Variants in SLIT1 observed in about 807,000 individuals in gnomAD.
SLIT1 encodes slit homolog 1 protein.
Under a neutral mutation model 186.1 loss-of-function variants are expected in SLIT1, and 66 were observed. That is an observed-to-expected ratio of 0.35 (90% CI 0.29 to 0.44). The LOEUF (loss-of-function observed/expected upper bound fraction) is 0.44. SLIT1 is among the 20% of genes least tolerant of loss of function. The pLI is 1.00. For synonymous variants in SLIT1, 761 were observed against 833.8 expected (o/e 0.91, Z 1.50); for missense variants, 1,638 against 2,037.4 (o/e 0.80, Z 3.77).
At position 97,004,931 on chromosome 10, in the gene SLIT1, C is replaced by A. The variant is rs190621820; in HGVS notation, c.3580-108G>T. On this transcript the variant is annotated intron_variant, in intron 32 of 36. Transcript: ENST00000266058. This position sits in a 1 kb window ranked among gnomAD's most constrained non-coding sequence, Gnocchi z 5.1. Reference sequence around the variant, plus strand: ...AAGATTGGAAGAGAGATGCTCTGTGCAGAGCGCTCTTCCCCCACCTGGCCA... The same window carrying A: ...AAGATTGGAAGAGAGATGCTCTGTGAAGAGCGCTCTTCCCCCACCTGGCCA... 6.2e-4 allele frequency: 836 copies of A among 1,352,754 alleles called. 1 individual carries two copies. Among genetic ancestry groups the A allele is most frequent in the Non-Finnish European group, 8.0e-4 (769 of 966,680 alleles). The allele number at this position is 1,352,754 out of a possible 1,614,324, so 83.8% of individuals were successfully genotyped here. A position where few individuals can be genotyped will look rare whatever the true frequency, so the allele number is the denominator to read the frequency against.
At chr10:97,018,134 AC>A (rs1848470269) in intron 28 of SLIT1, among the ~76,000 whole-genome samples, 1 of 152,118 alleles carries the variant, frequency 6.6e-6, no homozygotes, top group Non-Finnish European at 1.5e-5. Flanking sequence ...GGAGTGAGCC[AC>A]CGAGCACGGC....
intron 25 of SLIT1, among the ~76,000 whole-genome samples, chr10:97,028,780 T>G (rs1269890103): frequency 6.6e-6 from 1 of 152,224 alleles, no homozygotes; most frequent in Admixed American, 6.5e-5. Flanking sequence ...CAGGATGTAT[T>G]TATTAAGGCA....
At chr10:97,037,219 C>T (rs1415957465) in intron 22 of SLIT1, among the ~76,000 whole-genome samples, 2 of 151,962 alleles carry the variant, frequency 1.3e-5, no homozygotes, top group Non-Finnish European at 2.9e-5. Context: ...CTCAGCCTCC[C>T]GAGTAGCTGG....
At chr10:97,130,907 C>T (rs1279958941) in intron 4 of SLIT1, among the ~76,000 whole-genome samples, 1 of 152,138 alleles carries the variant, frequency 6.6e-6, no homozygotes, top group African/African-American at 2.4e-5. Flanking sequence ...TTCTTCTTCC[C>T]TAGATTTTCT....
chr10:97,026,460 G>A (rs1325166270), intron 25 of SLIT1, among the ~76,000 whole-genome samples: 7 of 134,312 alleles, frequency 5.2e-5, no homozygotes, highest in East Asian at 4.6e-4. Context: ...GCGAAACTCC[G>A]TCTCTAAATA....
intron 1 of SLIT1, among the ~76,000 whole-genome samples, chr10:97,175,907 A>G (rs1224333576): frequency 1.3e-5 from 2 of 152,164 alleles, no homozygotes; most frequent in East Asian, 1.9e-4. Flanking sequence ...AGCCTGCAAC[A>G]TGGGTGCACC....
chr10:97,176,065 T>C (rs189041310), intron 1 of SLIT1, among the ~76,000 whole-genome samples: 102 of 152,284 alleles, frequency 6.7e-4, no homozygotes, highest in African/African-American at 2.4e-3. Context: ...ATTAAGACTA[T>C]AGAGCAGAAG....
intron 4 of SLIT1, among the ~76,000 whole-genome samples, chr10:97,097,934 C>G (rs191461916): frequency 5.4e-4 from 83 of 152,322 alleles, no homozygotes; most frequent in African/African-American, 1.9e-3. Context: ...CACTTCCACA[C>G]GTACATTTGC....
Position 97,023,472 on chromosome 10 carries a change from A to T in SLIT1, c.2583-2059T>A, listed in dbSNP as rs143301945. The stretch of plus-strand genomic sequence containing the variant: ...GCTAATAGCCCGCCCCCAACTGCAA[A>T]GGTTGTATCCACTTACACTGGCCAT... On this transcript the variant is annotated intron_variant, in intron 25 of 36. Transcript: ENST00000266058. Among the ~76,000 whole-genome samples, 40 of 152,188 alleles carry T rather than the reference A, an allele frequency of 2.6e-4. 1 individual carries two copies. In the East Asian group the frequency reaches 5.6e-3, roughly 21 times the overall value.
chr10:97,045,632 T>C (rs1379795406), intron 18 of SLIT1, among the ~76,000 whole-genome samples: 1 of 152,100 alleles, frequency 6.6e-6, no homozygotes, highest in Non-Finnish European at 1.5e-5. Context: ...ATTTAAGGAA[T>C]ACTAGGTAAG....
rs75574580 is a variant in SLIT1 at position 97,005,779 on chromosome 10, A to G, written c.3579+704T>C. On this transcript the variant is annotated intron_variant, in intron 32 of 36. Transcript: ENST00000266058. The stretch of plus-strand genomic sequence containing the variant: ...CGTAGGGGAAGAGAGCAGAATGCGC[A>G]TGTTTGAGAGGCTGAAGAGTTCTGA... 3.0e-3 allele frequency among the ~76,000 whole-genome samples: 458 copies of G among 152,302 alleles called. 3 individuals carry two copies. The highest frequency in any genetic ancestry group is 5.2e-3 in the Non-Finnish European group (354 of 68,024).
intron 4 of SLIT1, among the ~76,000 whole-genome samples, chr10:97,119,420 A>T (rs1482861135): frequency 6.6e-6 from 1 of 152,230 alleles, no homozygotes; most frequent in Non-Finnish European, 1.5e-5. Flanking sequence ...GATTTGATGC[A>T]GGAACCAAGC....
At chr10:97,145,061 G>A (rs1156539971) in intron 4 of SLIT1, among the ~76,000 whole-genome samples, 1 of 152,096 alleles carries the variant, frequency 6.6e-6, no homozygotes, top group Non-Finnish European at 1.5e-5. Context: ...CTGCCTTTGG[G>A]GTGCTCCTGG....
chr10:97,082,508 C>T (rs1849115405), intron 4 of SLIT1, among the ~76,000 whole-genome samples: 1 of 152,110 alleles, frequency 6.6e-6, no homozygotes, highest in African/African-American at 2.4e-5. Context: ...GATCTCGGCT[C>T]ACTGGAAGCT....
Position 97,163,402 on chromosome 10 carries a change from C to G in SLIT1, c.319G>C (p.Asp107His). Reference sequence around the variant, plus strand: ...CACAGCCGCTCCAGCTCCTTCATGTCATCAAAAGCACCACGTTCCACTGCT... The same window carrying G: ...CACAGCCGCTCCAGCTCCTTCATGTGATCAAAAGCACCACGTTCCACTGCT... ...IGAVERGAFD[D>H]MKELERLRLN... Residue 107 changes from aspartate (D) to histidine (H), a missense_variant, in exon 3 of 37, where the codon GAC becomes CAC. By Grantham distance (81) the Asp-to-His change is moderately conservative (BLOSUM62 -1). Transcript: ENST00000266058. 6.2e-7 allele frequency: 1 copy of G among 1,614,200 alleles called. No homozygotes were observed. Among genetic ancestry groups the G allele is most frequent in the Non-Finnish European group, 8.5e-7 (1 of 1,180,024 alleles).
intron 4 of SLIT1, among the ~76,000 whole-genome samples, chr10:97,096,384 C>T (rs370087535): frequency 1.3e-5 from 2 of 152,138 alleles, no homozygotes; most frequent in Admixed American, 6.5e-5. Context: ...CTCGAGCCCC[C>T]CCGCCAGCGC....
intron 34 of SLIT1, among the ~76,000 whole-genome samples, 200 bp from the exon 35 acceptor site, chr10:97,003,192 CT>C (rs1431939020): frequency 1.3e-5 from 2 of 152,236 alleles, no homozygotes; most frequent in Non-Finnish European, 2.9e-5. Flanking sequence ...AAGCTGCTTC[CT>C]CTGTGATTGG....
chr10:97,121,244 A>G (rs916921653), intron 4 of SLIT1, among the ~76,000 whole-genome samples: 1 of 152,222 alleles, frequency 6.6e-6, no homozygotes, highest in African/African-American at 2.4e-5. Context: ...ACATTGTTCC[A>G]TAATTACACA....
At chr10:97,128,438 G>A (rs1182235777) in intron 4 of SLIT1, among the ~76,000 whole-genome samples, 17 of 152,174 alleles carry the variant, frequency 1.1e-4, no homozygotes, top group Non-Finnish European at 8.8e-5. Context: ...CTCCTCTTCA[G>A]CAAAGAGCTG....
Sources: gnomAD v4.1 joint callset for allele counts (sites outside exome capture counted in the v4.1 genomes callset) on GRCh38, gnomAD v4.1.1 for gene constraint, Gnocchi (gnomAD v3.1) non-coding constraint, MANE v1.5 for transcripts, NCBI Gene and HGNC (gene_info 2026-07-23, HGNC 2026-07-21) for gene names.